Variants in LSM6 observed in about 807,000 individuals in gnomAD.
LSM6 encodes LSM6 homolog, U6 small nuclear RNA and mRNA degradation associated.
LSM6 carries 2 observed loss-of-function variants against 13.5 expected under a neutral mutation model. The observed-to-expected ratio is 0.15, with a 90% CI of 0.06 to 0.47. The LOEUF (loss-of-function observed/expected upper bound fraction) is 0.47, where lower values mean the gene tolerates loss of function less well. Among genes scored for constraint, LSM6 ranks in the 20% least tolerant of loss-of-function variants. LSM6 has a pLI of 0.97. For synonymous variants in LSM6, 43 were observed against 34.9 expected (o/e 1.23, Z -0.82); for missense variants, 58 against 96.4 (o/e 0.60, Z 1.67).
intron 1 of LSM6, chr4:146,181,439 T>C (rs1424125068): frequency 6.6e-6 from 1 of 152,184 alleles, no homozygotes; most frequent in East Asian, 1.9e-4. Flanking sequence ...AGTGTGTACA[T>C]GTACATGTAA....
intron 2 of LSM6, among the ~76,000 whole-genome samples, chr4:146,183,934 G>A (rs938571098): frequency 3.4e-5 from 5 of 149,070 alleles, no homozygotes; most frequent in Non-Finnish European, 5.9e-5. Flanking sequence ...GTGCAGCGGC[G>A]CGATCTCGGC....
At chr4:146,187,858 G>A (rs1291751485) in intron 3 of LSM6, among the ~76,000 whole-genome samples, 1 of 152,070 alleles carries the variant, frequency 6.6e-6, no homozygotes, top group Non-Finnish European at 1.5e-5. Flanking sequence ...AATAGAAAAA[G>A]TTACTCAGTT....
At chr4:146,185,328 A>T (rs879334009) in intron 2 of LSM6, among the ~76,000 whole-genome samples, 2 of 152,114 alleles carry the variant, frequency 1.3e-5, no homozygotes, top group African/African-American at 2.4e-5. Flanking sequence ...TTCTTTGTTT[A>T]CTAGTGAGAT....
chr4:146,183,940 T>G (rs912873891), intron 2 of LSM6, among the ~76,000 whole-genome samples: 1 of 149,696 alleles, frequency 6.7e-6, no homozygotes, highest in Non-Finnish European at 1.5e-5. Flanking sequence ...CGGCGCGATC[T>G]CGGCTCACTG....
At chr4:146,183,068 C>T in intron 2 of LSM6, 53 bp downstream of exon 2, 1 of 1,286,692 alleles carries the variant, frequency 7.8e-7, no homozygotes, top group Non-Finnish European at 1.1e-6. Flanking sequence ...GTAAATGTGA[C>T]TTACTGATAT....
intron 1 of LSM6, among the ~76,000 whole-genome samples, chr4:146,179,332 T>G (rs1730181218): frequency 6.6e-6 from 1 of 152,196 alleles, no homozygotes; most frequent in Non-Finnish European, 1.5e-5. Context: ...CTTTATCCAA[T>G]TTAAAAGATG....
chr4:146,181,510 C>T (rs1730230833), intron 1 of LSM6, among the ~76,000 whole-genome samples: 1 of 152,186 alleles, frequency 6.6e-6, no homozygotes, highest in African/African-American at 2.4e-5. Context: ...CGTGTGAATT[C>T]ACTATGAGAA....
rs1436474215 is a variant in LSM6, at chr4:146,186,663, T to C, written c.95-611T>C. ...TAACAAAACAGAACAAGATGTGTTA[T>C]AATGCAATATGTTGCCCTATATTCT... On this transcript the variant is annotated intron_variant, in intron 2 of 3. Transcript: ENST00000296581. 2.6e-5 allele frequency among the ~76,000 whole-genome samples: 4 copies of C among 152,366 alleles called. No homozygotes were observed. In the East Asian group the frequency reaches 7.7e-4, roughly 29 times the overall value.
chr4:146,183,338 A>T (rs1182008417), intron 2 of LSM6: 2 of 243,196 alleles, frequency 8.2e-6, no homozygotes, highest in South Asian at 5.7e-5. Context: ...ACTGAAGAAC[A>T]TCTTGGTGCA....
chr4:146,185,161 A>G (rs1208330523), intron 2 of LSM6, among the ~76,000 whole-genome samples: 1 of 152,158 alleles, frequency 6.6e-6, no homozygotes, highest in Non-Finnish European at 1.5e-5. Flanking sequence ...TTTAGAATCA[A>G]TTCCCTGGGC....
At chr4:146,185,171 C>T (rs56333123) in intron 2 of LSM6, among the ~76,000 whole-genome samples, 35,586 of 152,064 alleles carry the variant, frequency 0.23, 4,786 homozygotes, top group Non-Finnish European at 0.3. Flanking sequence ...ATTCCCTGGG[C>T]TAGGATTTAC....
intron 1 of LSM6, among the ~76,000 whole-genome samples, chr4:146,177,232 C>T (rs1197410683): frequency 6.6e-6 from 1 of 152,192 alleles, no homozygotes; most frequent in African/African-American, 2.4e-5. Flanking sequence ...AGGTTTCCTG[C>T]CTCCCAAGTG....
Position 146,178,178 on chromosome 4 carries a change from T to TG in LSM6, c.-11+2368dup, listed in dbSNP as rs1730151688. 2.0e-5 allele frequency among the ~76,000 whole-genome samples: 3 copies of TG among 152,214 alleles called. No individual in the cohort carries two copies. The South Asian group carries it at 6.2e-4, about 32-fold the overall frequency. On this transcript the variant is annotated intron_variant, in intron 1 of 3. Transcript: ENST00000296581. ...GATTTTGCTTGGCACTGGCCTTGAA[T>TG]GTCTCTTCCACAGACTTGGGTAGTG...
At chr4:146,185,943 G>A (rs1730340466) in intron 2 of LSM6, among the ~76,000 whole-genome samples, 1 of 152,046 alleles carries the variant, frequency 6.6e-6, no homozygotes, top group African/African-American at 2.4e-5. Flanking sequence ...CGCCATGTTA[G>A]CCAGGCTGAT....
In LSM6 at chr4:146,191,399, T is replaced by A. The variant is rs966599078; in HGVS notation, c.*1743T>A. On this transcript the variant is annotated 3_prime_UTR_variant, in exon 4 of 4. Transcript: ENST00000296581. ...CGCCTTTGATATATAAGTCTTTATT[T>A]TCCCCTTGCCATCTCTCTAGTTTAA... The A allele has an allele frequency of 6.6e-6, 1 of 152,224 alleles. No individual in the cohort carries two copies. Among genetic ancestry groups the A allele is most frequent in the Non-Finnish European group, 1.5e-5 (1 of 68,028 alleles). The allele number at this position is 152,224 out of a possible 1,614,324, so 9.4% of individuals were successfully genotyped here. A position where few individuals can be genotyped will look rare whatever the true frequency, so the allele number is the denominator to read the frequency against.
Position 146,183,018 on chromosome 4 carries a change from A to G in LSM6, c.94+3A>G. The G allele has an allele frequency of 6.3e-7, 1 of 1,590,648 alleles. No individual in the cohort carries two copies. The highest frequency in any genetic ancestry group is 8.6e-7 in the Non-Finnish European group (1 of 1,158,886). The stretch of plus-strand genomic sequence containing the variant: ...AAATTCTGGAGTGGATTATCGAGGT[A>G]ATATTTTCATGTTTCAACCTCACTG... On this transcript the variant is annotated splice_donor_region_variant and intron_variant, in intron 2 of 3. Coordinates refer to ENST00000296581, the MANE Select transcript of LSM6 (RefSeq NM_007080.3).
chr4:146,186,467 A>G (rs1055162354), intron 2 of LSM6, among the ~76,000 whole-genome samples: 4 of 152,174 alleles, frequency 2.6e-5, no homozygotes, highest in Admixed American at 6.5e-5. Context: ...TAGAGACAGA[A>G]TTAGAGGCTT....
At chr4:146,186,693 C>T (rs1207222790) in intron 2 of LSM6, among the ~76,000 whole-genome samples, 1 of 152,206 alleles carries the variant, frequency 6.6e-6, no homozygotes, top group African/African-American at 2.4e-5. Flanking sequence ...TATTCTCAAG[C>T]TGCTCTTCAC....
At chr4:146,177,865 G>A (rs1413104270) in intron 1 of LSM6, among the ~76,000 whole-genome samples, 3 of 152,182 alleles carry the variant, frequency 2.0e-5, no homozygotes, top group African/African-American at 7.2e-5. Flanking sequence ...GGGTGGGGCA[G>A]GGTTGGGGGT....
Sources: allele counts gnomAD v4.1 joint callset (sites outside exome capture counted in the v4.1 genomes callset), GRCh38; gene constraint gnomAD v4.1.1; transcripts MANE v1.5; gene names NCBI Gene and HGNC (gene_info 2026-07-23, HGNC 2026-07-21).